The following NELL2 variants were observed in gnomAD, a reference collection of about 807,000 sequenced individuals.
The protein encoded by NELL2 is protein kinase C-binding protein NELL2.
Under a neutral mutation model 109.6 loss-of-function variants are expected in NELL2, and 41 were observed. That is an observed-to-expected ratio of 0.37 (90% CI 0.29 to 0.49). The LOEUF is 0.49. NELL2 is among the 20% of genes least tolerant of loss of function. The pLI is 0.98. For missense variants in NELL2, 900 were observed against 1,008.3 expected (o/e 0.89, Z 1.45); for synonymous variants, 355 against 344.7 (o/e 1.03, Z -0.33).
chr12:44,665,370 C>A, intron 13 of NELL2, 114 bp downstream of exon 13: 1 of 836,126 alleles, frequency 1.2e-6, no homozygotes, highest in South Asian at 2.7e-5. Context: ...TATGATTTTG[C>A]TAATGTTTTG....
At position 44,649,697 on chromosome 12, in the gene NELL2, A is replaced by C. The variant is rs578250275; in HGVS notation, c.1444+15787T>G. Among the ~76,000 whole-genome samples, 163 of 152,304 alleles carry C rather than the reference A, an allele frequency of 1.1e-3. 1 individual carries two copies. Among genetic ancestry groups the C allele is most frequent in the African/African-American group, 3.9e-3 (161 of 41,554 alleles). On this transcript the variant is annotated intron_variant, in intron 13 of 19. Coordinates refer to ENST00000429094, the MANE Select transcript of NELL2 (RefSeq NM_001145108.2). ...TTTGAGCCCCCATACCCTGCCAGGA[A>C]ATCTCTTTAAGCTTAAGACAGCCCG...
At chr12:44,743,532 A>G (rs1297923706) in intron 9 of NELL2, among the ~76,000 whole-genome samples, 3 of 152,178 alleles carry the variant, frequency 2.0e-5, no homozygotes, top group Non-Finnish European at 2.9e-5. Context: ...AAGACCCATC[A>G]GTGTGCTGTA....
At chr12:44,700,542 G>A (rs1949198772) in intron 12 of NELL2, among the ~76,000 whole-genome samples, 1 of 152,048 alleles carries the variant, frequency 6.6e-6, no homozygotes, top group African/African-American at 2.4e-5. Context: ...AAGGCCCTTA[G>A]ATATGCTGAT....
intron 7 of NELL2, among the ~76,000 whole-genome samples, chr12:44,776,371 AAAC>A (rs1303196612): frequency 6.6e-6 from 1 of 152,218 alleles, no homozygotes; most frequent in Non-Finnish European, 1.5e-5. Flanking sequence ...CCTTAGAAAC[AAAC>A]AACATAATTT....
intron 2 of NELL2, among the ~76,000 whole-genome samples, chr12:44,835,267 A>T (rs932089508): frequency 6.6e-6 from 1 of 152,214 alleles, no homozygotes; most frequent in African/African-American, 2.4e-5. Flanking sequence ...CCAAGGCCAG[A>T]CAGCCAACAG....
chr12:44,651,053 G>A (rs12827992), intron 13 of NELL2, among the ~76,000 whole-genome samples: 19,310 of 152,248 alleles, frequency 0.13, 1,455 homozygotes, highest in East Asian at 0.21. Flanking sequence ...TACTGCAGCA[G>A]CATCAGTAGA....
intron 13 of NELL2, among the ~76,000 whole-genome samples, chr12:44,617,757 A>C (rs1945891404): frequency 1.3e-5 from 2 of 151,720 alleles, no homozygotes; most frequent in South Asian, 4.2e-4. Flanking sequence ...TGAAAGTAAA[A>C]TTGCTTGCAA....
At chr12:44,574,699 T>C (rs978748610) in intron 15 of NELL2, among the ~76,000 whole-genome samples, 2 of 152,172 alleles carry the variant, frequency 1.3e-5, no homozygotes, top group Non-Finnish European at 2.9e-5. Flanking sequence ...GAAGCAAAAA[T>C]ACCATTTGAA....
chr12:44,564,684 G>C (rs7970203), intron 15 of NELL2, among the ~76,000 whole-genome samples: 19,365 of 152,190 alleles, frequency 0.13, 1,303 homozygotes, highest in Middle Eastern at 0.17. Flanking sequence ...AGCTTATTAG[G>C]AATCTATTCA....
At chr12:44,597,239 T>C (rs1009790423) in intron 15 of NELL2, among the ~76,000 whole-genome samples, 2 of 152,320 alleles carry the variant, frequency 1.3e-5, no homozygotes, top group African/African-American at 4.8e-5. Flanking sequence ...TATTTAAGGA[T>C]AGCTTTTTAC....
At chr12:44,806,455 T>C (rs1418429313) in intron 3 of NELL2, among the ~76,000 whole-genome samples, 1 of 151,890 alleles carries the variant, frequency 6.6e-6, no homozygotes, top group Non-Finnish European at 1.5e-5. Context: ...CACATACACA[T>C]ACATATTTCA....
intron 1 of NELL2, among the ~76,000 whole-genome samples, chr12:44,886,057 T>A (rs961021210): frequency 1.6e-5 from 2 of 128,664 alleles, no homozygotes; most frequent in Non-Finnish European, 3.2e-5. Flanking sequence ...TGAACAATGA[T>A]GCCAGAACAA....
At chr12:44,587,677 C>T (rs911295753) in intron 15 of NELL2, among the ~76,000 whole-genome samples, 6 of 151,948 alleles carry the variant, frequency 3.9e-5, no homozygotes, top group Admixed American at 6.6e-5. Context: ...TAAACAGCTA[C>T]GTTTATTTTA....
intron 2 of NELL2, among the ~76,000 whole-genome samples, chr12:44,826,407 T>C (rs1252997806): frequency 1.3e-5 from 2 of 152,202 alleles, no homozygotes; most frequent in African/African-American, 4.8e-5. Context: ...ATATATTGAG[T>C]TAAAACTATT....
At chr12:44,910,020 T>C (rs1945762033) in intron 1 of NELL2, among the ~76,000 whole-genome samples, 1 of 151,852 alleles carries the variant, frequency 6.6e-6, no homozygotes, top group Non-Finnish European at 1.5e-5. Context: ...GATTACAAAC[T>C]ATAAGAATCC....
intron 1 of NELL2, among the ~76,000 whole-genome samples, chr12:44,907,430 T>A (rs1297676651): frequency 1.3e-5 from 2 of 152,116 alleles, no homozygotes; most frequent in Admixed American, 1.3e-4. Flanking sequence ...GTCATGAAAG[T>A]GTCAAATATT....
intron 10 of NELL2, among the ~76,000 whole-genome samples, chr12:44,712,433 T>C (rs1938254733): frequency 6.6e-6 from 1 of 151,984 alleles, no homozygotes; most frequent in Non-Finnish European, 1.5e-5. Flanking sequence ...GTTCTGGTAA[T>C]CTGATTTTCT....
chr12:44,741,942 G>A (rs61443841), intron 9 of NELL2, among the ~76,000 whole-genome samples: 5 of 152,048 alleles, frequency 3.3e-5, no homozygotes, highest in South Asian at 2.1e-4. Context: ...TGTCCCTGTC[G>A]GACAGCTTTG....
chr12:44,576,368 G>A (rs972149471), intron 15 of NELL2, among the ~76,000 whole-genome samples: 5 of 152,096 alleles, frequency 3.3e-5, no homozygotes, highest in Non-Finnish European at 7.4e-5. Context: ...GAGGGCAAGT[G>A]GTGAGTCTTT....
Sources: allele counts gnomAD v4.1 joint callset (sites outside exome capture counted in the v4.1 genomes callset), GRCh38; gene constraint gnomAD v4.1.1; transcripts MANE v1.5; gene names NCBI Gene and HGNC (gene_info 2026-07-23, HGNC 2026-07-21).